The following ADAMTS12 variants were observed in gnomAD, a reference collection of about 807,000 sequenced individuals.
ADAMTS12 encodes A disintegrin and metalloproteinase with thrombospondin motifs 12.
In ADAMTS12, 118 loss-of-function variants were observed where a neutral mutation model predicts 167.8. The observed-to-expected ratio is 0.70, with a 90% confidence interval of 0.61 to 0.82. The LOEUF is 0.82. Among genes scored for constraint, ADAMTS12 ranks in the 40% least tolerant of loss-of-function variants. ADAMTS12 has a pLI of 0.00. For synonymous variants in ADAMTS12, 704 were observed against 716.9 expected, an observed-to-expected ratio of 0.98 and a Z score of 0.29; for missense variants, 1,916 against 1,998.8, an observed-to-expected ratio of 0.96 and a Z score of 0.79.
At chr5:33,586,121 T>C (rs1747336071) in intron 18 of ADAMTS12, among the ~76,000 whole-genome samples, 1 of 152,164 alleles carries the variant, frequency 6.6e-6, no homozygotes, top group Non-Finnish European at 1.5e-5. Context: ...GACCAAATGA[T>C]GGCTGGAGCA....
intron 4 of ADAMTS12, 121 bp downstream of exon 4, chr5:33,683,738 C>T: frequency 1.7e-6 from 1 of 599,768 alleles, no homozygotes; most frequent in Non-Finnish European, 2.5e-6. Flanking sequence ...ACTAGATTCA[C>T]ATATATATTT....
intron 13 of ADAMTS12, 149 bp downstream of exon 13, chr5:33,630,631 G>T: frequency 1.3e-6 from 1 of 781,786 alleles, no homozygotes. Context: ...TGAACACTGG[G>T]AAGTCTTATC....
rs563346458 is a variant in ADAMTS12, at chr5:33,827,576, T to G, written c.489+53543A>C. ...TATGCAGCAATAGAAAGCTATTACCTCAGCAAATTTCCTTTATCCCCACTT... is the reference window on the plus strand; with the variant it reads ...TATGCAGCAATAGAAAGCTATTACCGCAGCAAATTTCCTTTATCCCCACTT... On this transcript the variant is annotated intron_variant, in intron 2 of 23. Transcript: ENST00000504830. 2.0e-5 allele frequency among the ~76,000 whole-genome samples: 3 copies of G among 152,168 alleles called. No homozygotes were observed. The South Asian group carries it at 6.2e-4, about 32-fold the overall frequency.
chr5:33,563,847 A>G (rs1745865995), intron 19 of ADAMTS12, among the ~76,000 whole-genome samples: 1 of 152,154 alleles, frequency 6.6e-6, no homozygotes, highest in Non-Finnish European at 1.5e-5. Flanking sequence ...TACCTTACAT[A>G]TAGTTATTCC....
chr5:33,541,467 T>G (rs1438062790), intron 22 of ADAMTS12, among the ~76,000 whole-genome samples: 1 of 152,020 alleles, frequency 6.6e-6, no homozygotes. Context: ...ACATTCAAAC[T>G]CAGGAAATAC....
At chr5:33,682,596 T>C (rs1164812902) in intron 5 of ADAMTS12, among the ~76,000 whole-genome samples, 2 of 152,110 alleles carry the variant, frequency 1.3e-5, no homozygotes, top group African/African-American at 4.8e-5. Context: ...AACGTGCAGA[T>C]AGACAAGAGG....
intron 22 of ADAMTS12, among the ~76,000 whole-genome samples, chr5:33,541,766 A>C (rs1230049179): frequency 1.1e-4 from 16 of 152,184 alleles, no homozygotes; most frequent in Admixed American, 5.2e-4. Flanking sequence ...AAATAAAATC[A>C]TTTACAGACA....
In ADAMTS12 at chr5:33,552,370, C is replaced by T. The variant is rs184210547; in HGVS notation, c.4126-2987G>A. On this transcript the variant is annotated intron_variant, in intron 20 of 23. Coordinates refer to ENST00000504830, the MANE Select transcript of ADAMTS12 (RefSeq NM_030955.4). ...TTAATCACTGCACTTCTCTAAGGCT[C>T]CATTTCTCCATTGGTATTCAAAAGA... Among the ~76,000 whole-genome samples the T allele has an allele frequency of 3.2e-3, 494 of 152,242 alleles. 1 individual carries two copies. The highest frequency in any genetic ancestry group is 5.2e-3 in the Non-Finnish European group (357 of 68,012).
At chr5:33,811,427 T>C (rs914921080) in intron 2 of ADAMTS12, among the ~76,000 whole-genome samples, 5 of 152,124 alleles carry the variant, frequency 3.3e-5, no homozygotes, top group African/African-American at 1.2e-4. Flanking sequence ...CAAGTCTCAC[T>C]GAGAAGGTGA....
At chr5:33,597,079 A>G (rs1737927046) in intron 16 of ADAMTS12, among the ~76,000 whole-genome samples, 1 of 152,116 alleles carries the variant, frequency 6.6e-6, no homozygotes. Context: ...CAACCCAATG[A>G]AATCAGCACC....
intron 10 of ADAMTS12, among the ~76,000 whole-genome samples, chr5:33,642,903 G>A (rs1287080863): frequency 6.6e-6 from 1 of 152,116 alleles, no homozygotes; most frequent in Non-Finnish European, 1.5e-5. Context: ...TGTGTTCTGT[G>A]GTGTCTGATT....
In ADAMTS12 at chr5:33,596,144, C is replaced by T. The variant is rs879055322; in HGVS notation, c.2528-84G>A. On this transcript the variant is annotated intron_variant, in intron 16 of 23. Coordinates refer to ENST00000504830, the MANE Select transcript of ADAMTS12 (RefSeq NM_030955.4). ...CAGGTGAGGTACCTGACCACGTCAA[C>T]GATCATGCTGACGGCTGATGGGAAA... 2.1e-5 allele frequency: 31 copies of T among 1,512,156 alleles called. 1 individual carries two copies. Among genetic ancestry groups the T allele is most frequent in the Middle Eastern group, 2.4e-4 (1 of 4,212 alleles). 93.7% of individuals were successfully genotyped at this position (1,512,156 alleles called of 1,614,324 possible).
intron 2 of ADAMTS12, among the ~76,000 whole-genome samples, chr5:33,879,511 G>T (rs773532979): frequency 1.3e-5 from 2 of 152,178 alleles, no homozygotes; most frequent in African/African-American, 2.4e-5. Flanking sequence ...AAGCCTAGAT[G>T]ATGACAGCCG....
intron 2 of ADAMTS12, among the ~76,000 whole-genome samples, chr5:33,824,016 T>C (rs1747966005): frequency 6.6e-6 from 1 of 152,220 alleles, no homozygotes; most frequent in South Asian, 2.1e-4. Flanking sequence ...GTCAGTTATA[T>C]ACCCCAATAA....
intron 2 of ADAMTS12, among the ~76,000 whole-genome samples, chr5:33,773,400 A>G (rs1745815458): frequency 6.6e-6 from 1 of 152,150 alleles, no homozygotes; most frequent in African/African-American, 2.4e-5. Flanking sequence ...GCTGCGGATG[A>G]GTGCACTATG....
chr5:33,533,981 C>T (rs149828478), intron 23 of ADAMTS12, among the ~76,000 whole-genome samples: 7 of 152,282 alleles, frequency 4.6e-5, no homozygotes, highest in African/African-American at 7.2e-5. Context: ...TTTTAATGAG[C>T]TCCTGAATAT....
At chr5:33,665,237 G>A (rs1015239453) in intron 5 of ADAMTS12, among the ~76,000 whole-genome samples, 1 of 152,124 alleles carries the variant, frequency 6.6e-6, no homozygotes, top group African/African-American at 2.4e-5. Flanking sequence ...AGGGGCTGGG[G>A]GAGGAGCTGG....
intron 16 of ADAMTS12, among the ~76,000 whole-genome samples, chr5:33,596,771 G>C (rs4601049): frequency 0.5 from 76,153 of 152,102 alleles, 20,089 homozygotes; most frequent in Middle Eastern, 0.62. Flanking sequence ...TTAAAGGATA[G>C]AGGAGACAGA....
chr5:33,821,644 T>G (rs986072683), intron 2 of ADAMTS12, among the ~76,000 whole-genome samples: 1 of 152,184 alleles, frequency 6.6e-6, no homozygotes, highest in African/African-American at 2.4e-5. Flanking sequence ...CGTTGTTAGC[T>G]TTAACATAAT....
Sources: gnomAD v4.1 joint callset for allele counts (sites outside exome capture counted in the v4.1 genomes callset) on GRCh38, gnomAD v4.1.1 for gene constraint, MANE v1.5 for transcripts, NCBI Gene and HGNC (gene_info 2026-07-23, HGNC 2026-07-21) for gene names.